The following DCLK1 variants were observed in gnomAD, a reference collection of about 807,000 sequenced individuals.
DCLK1 encodes doublecortin like kinase 1, also known as serine/threonine-protein kinase DCLK1.
In DCLK1, 16 loss-of-function variants were observed where a neutral mutation model predicts 86.2. The observed-to-expected ratio is 0.19, with a 90% CI of 0.13 to 0.28. The LOEUF is 0.28. Among genes scored for constraint, DCLK1 ranks in the 10% least tolerant of loss-of-function variants. The probability of loss-of-function intolerance (pLI) is 1.00; values close to 1 mark genes in which losing one functional copy is unlikely to be tolerated. For missense variants in DCLK1, 590 were observed against 940.2 expected (o/e 0.63, Z 4.87); for synonymous variants, 369 against 370.5 (o/e 1.00, Z 0.05).
chr13:36,008,591 T>C (rs1881131656), intron 3 of DCLK1, among the ~76,000 whole-genome samples: 1 of 133,106 alleles, frequency 7.5e-6, no homozygotes, highest in Admixed American at 8.0e-5. Flanking sequence ...CCATGGTGTA[T>C]ATGTGCCACA....
intron 3 of DCLK1, among the ~76,000 whole-genome samples, chr13:36,062,675 C>T (rs140479187): frequency 7.8e-4 from 118 of 152,148 alleles, no homozygotes; most frequent in African/African-American, 2.4e-3. Context: ...ATGAGGATGA[C>T]GACTTGATAG....
chr13:36,107,335 ATTTTTTTT>A (rs10670428), intron 3 of DCLK1, among the ~76,000 whole-genome samples: 29 of 110,300 alleles, frequency 2.6e-4, no homozygotes, highest in African/African-American at 6.6e-4. Context: ...GCAGTGGTAG[ATTTTTTTT>A]TTTTTTTTTT....
In DCLK1 at chr13:36,127,553, T is replaced by A. The variant is rs148333499; in HGVS notation, c.-19-1397A>T. ...AACAGTACCTACCTCACAGTCAGTA[T>A]TAACTATTAAATAAATTCATGCACA... On this transcript the variant is annotated intron_variant, in intron 1 of 16. Transcript: ENST00000360631. Among the ~76,000 whole-genome samples the A allele has an allele frequency of 7.2e-5, 11 of 152,360 alleles. No homozygotes were observed. In the East Asian group the frequency reaches 2.1e-3, roughly 29 times the overall value.
intron 3 of DCLK1, among the ~76,000 whole-genome samples, chr13:36,051,133 A>G (rs749015355): frequency 1.1e-4 from 16 of 152,228 alleles, no homozygotes; most frequent in Admixed American, 6.5e-4. Context: ...TAGATATTTA[A>G]GAAATTTTAA....
intron 4 of DCLK1, among the ~76,000 whole-genome samples, chr13:35,881,657 C>T (rs1426681649): frequency 6.6e-6 from 1 of 152,136 alleles, no homozygotes; most frequent in Non-Finnish European, 1.5e-5. Context: ...GTTACTCATA[C>T]ATCCAGTTCC....
chr13:36,016,321 C>G (rs1290310709), intron 3 of DCLK1, among the ~76,000 whole-genome samples: 1 of 152,106 alleles, frequency 6.6e-6, no homozygotes, highest in Non-Finnish European at 1.5e-5. Context: ...TTAATACAAA[C>G]TTTCTGTATT....
At chr13:35,807,100 G>A (rs2087042802) in intron 14 of DCLK1, among the ~76,000 whole-genome samples, 1 of 152,206 alleles carries the variant, frequency 6.6e-6, no homozygotes, top group East Asian at 1.9e-4. Context: ...GTCAGCACTC[G>A]GAGACATAAA....
chr13:36,044,702 A>T (rs1882815078), intron 3 of DCLK1, among the ~76,000 whole-genome samples: 1 of 152,190 alleles, frequency 6.6e-6, no homozygotes, highest in Non-Finnish European at 1.5e-5. Context: ...AACACTACTG[A>T]CTACTAAAAA....
intron 16 of DCLK1, among the ~76,000 whole-genome samples, chr13:35,777,428 T>C (rs1353285438): frequency 6.6e-6 from 1 of 152,174 alleles, no homozygotes; most frequent in African/African-American, 2.4e-5. Flanking sequence ...GCCCAAGCAG[T>C]TTCTTCCCAT....
intron 2 of DCLK1, 128 bp downstream of exon 2, chr13:36,125,634 A>G (rs1886144797): frequency 7.4e-7 from 1 of 1,348,298 alleles, no homozygotes; most frequent in South Asian, 1.5e-5. Context: ...CGTATGTCTG[A>G]AACTATAAGG....
At position 35,950,529 on chromosome 13, in the gene DCLK1, T is replaced by G. The variant is rs1361205809; in HGVS notation, c.724-3072A>C. Among the ~76,000 whole-genome samples, 6 of 152,348 alleles carry G rather than the reference T, an allele frequency of 3.9e-5. No individual in the cohort carries two copies. In the East Asian group the frequency reaches 1.2e-3, roughly 29 times the overall value. ...CAGTGTTACTCCTTTTGAAACCTGG[T>G]GTCCTAAAGATTCAGTGTAGTTACC... On this transcript the variant is annotated intron_variant, in intron 3 of 16. Transcript: ENST00000360631.
At chr13:35,832,533 C>T (rs1020669967) in intron 8 of DCLK1, among the ~76,000 whole-genome samples, 1 of 152,124 alleles carries the variant, frequency 6.6e-6, no homozygotes, top group African/African-American at 2.4e-5. Context: ...CTCTCTGTAA[C>T]CCCAGAAGTG....
chr13:35,944,399 T>C (rs573930612), intron 4 of DCLK1, among the ~76,000 whole-genome samples: 4 of 152,304 alleles, frequency 2.6e-5, no homozygotes, highest in Admixed American at 2.0e-4. Context: ...AGGAAGCTAC[T>C]ATGGAAAAGG....
chr13:35,939,864 G>A (rs1382076933), intron 4 of DCLK1, among the ~76,000 whole-genome samples: 4 of 152,142 alleles, frequency 2.6e-5, no homozygotes, highest in Admixed American at 1.3e-4. Flanking sequence ...ACAAAGAGTT[G>A]TCTGTCTATT....
chr13:35,847,614 T>G lies in DCLK1; in HGVS notation c.1035+6885A>C, dbSNP rs572547066. ...TCTGACTTGCACACTTCATTGTTTT[T>G]AAGCAAAAAAAAGAAAGAAAGAAAG... is the stretch of plus-strand genomic sequence containing the variant. On this transcript the variant is annotated intron_variant, in intron 6 of 16. Coordinates refer to ENST00000360631, the MANE Select transcript of DCLK1 (RefSeq NM_001330071.2). 503 of 681,264 alleles carry G rather than the reference T, an allele frequency of 7.4e-4. 1 individual carries two copies. In the Middle Eastern group the frequency reaches 0.011, roughly 15 times the overall value. The allele number at this position is 681,264 out of a possible 1,614,324, so 42.2% of individuals were successfully genotyped here. A position where few individuals can be genotyped will look rare whatever the true frequency, so the allele number is the denominator to read the frequency against.
At position 35,865,510 on chromosome 13, in the gene DCLK1, T is replaced by C. The variant is rs552322908; in HGVS notation, c.940+5714A>G. ...ATTAAGGCTTCTGGTTTCTCTTTGC[T>C]AGCTCTGTTTGCCTTCTTTCAGCCT... On this transcript the variant is annotated intron_variant, in intron 5 of 16. Coordinates refer to ENST00000360631, the MANE Select transcript of DCLK1 (RefSeq NM_001330071.2). Among the ~76,000 whole-genome samples, 4 of 152,342 alleles carry C rather than the reference T, an allele frequency of 2.6e-5. No individual in the cohort carries two copies. In the East Asian group the frequency reaches 7.7e-4, roughly 29 times the overall value.
At chr13:35,887,360 A>G (rs1873335693) in intron 4 of DCLK1, among the ~76,000 whole-genome samples, 1 of 152,196 alleles carries the variant, frequency 6.6e-6, no homozygotes, top group South Asian at 2.1e-4. Context: ...GTCTTTAAGT[A>G]CAAGGTGGAA....
intron 10 of DCLK1, 33 bp from the exon 11 acceptor site, chr13:35,822,908 T>C: frequency 6.2e-7 from 1 of 1,611,452 alleles, no homozygotes. Flanking sequence ...AGCAGCACAT[T>C]AACAGACGGG....
At chr13:36,050,431 A>G (rs534464037) in intron 3 of DCLK1, among the ~76,000 whole-genome samples, 5 of 152,268 alleles carry the variant, frequency 3.3e-5, no homozygotes, top group African/African-American at 1.2e-4. Context: ...TTGAACAATA[A>G]CAATGATGTA....
Sources: allele counts gnomAD v4.1 joint callset (sites outside exome capture counted in the v4.1 genomes callset), GRCh38; gene constraint gnomAD v4.1.1; transcripts MANE v1.5; gene names NCBI Gene and HGNC (gene_info 2026-07-23, HGNC 2026-07-21).